LHX8: variants seen among roughly 807,000 people sequenced by gnomAD.
LHX8 encodes LIM/homeobox protein Lhx8.
In LHX8, 12 loss-of-function variants were observed where a neutral mutation model predicts 40.3. That is an observed-to-expected ratio of 0.30 (90% CI 0.19 to 0.48). The LOEUF (loss-of-function observed/expected upper bound fraction) is 0.48, where lower values mean the gene tolerates loss of function less well. Among genes scored for constraint, LHX8 ranks in the 20% least tolerant of loss-of-function variants. The pLI, the probability that LHX8 is intolerant of heterozygous loss-of-function variation, is 0.99. For missense variants in LHX8, 344 were observed against 433.7 expected (o/e 0.79, Z 1.84); for synonymous variants, 179 against 162.0 (o/e 1.10, Z -0.80).
rs1177996109 is a variant in LHX8 at position 75,161,284 on chromosome 1, TAATA to T, written c.*394_*397del. On this transcript the variant is annotated 3_prime_UTR_variant, in exon 9 of 9. Transcript: ENST00000356261. ...ATTAGTTTGTATCTGTAAGTTATTG[TAATA>T]AATATTACCTGTATTTTTTGTTATA... 4 of 203,940 alleles carry T rather than the reference TAATA, an allele frequency of 2.0e-5. No homozygotes were observed. The highest frequency in any genetic ancestry group is 9.5e-5 in the African/African-American group (4 of 42,162). 12.6% of individuals were successfully genotyped at this position (203,940 alleles called of 1,614,324 possible).
At chr1:75,186,672 A>T in the LHX8 span, among the ~76,000 whole-genome samples, 1 of 152,090 alleles carries the variant, frequency 6.6e-6, no homozygotes. Flanking sequence ...ACAGGAGAGG[A>T]TGGTTTCTGA....
chr1:75,188,864 A>C, the LHX8 span, among the ~76,000 whole-genome samples: 30 of 152,176 alleles, frequency 2.0e-4, no homozygotes, highest in Admixed American at 1.4e-3. Context: ...CAGCCCCACT[A>C]TCAGACTTTT....
At chr1:75,136,530 G>A (rs1648136617) in intron 1 of LHX8, 73 bp from the exon 2 acceptor site, 2 of 1,139,740 alleles carry the variant, frequency 1.8e-6, no homozygotes, top group African/African-American at 3.1e-5. Context: ...TCCCCGCGCC[G>A]AGGCTGGGGC....
intron 4 of LHX8, 76 bp from the exon 5 acceptor site, chr1:75,143,042 G>C: frequency 9.2e-7 from 1 of 1,086,022 alleles, no homozygotes; most frequent in African/African-American, 1.5e-5. Context: ...AAGATAATGT[G>C]CTGGTTTAAT....
At chr1:75,149,735 C>A (rs1172394356) in intron 7 of LHX8, among the ~76,000 whole-genome samples, 1 of 152,058 alleles carries the variant, frequency 6.6e-6, no homozygotes, top group Non-Finnish European at 1.5e-5. Context: ...TTTGTAGAAA[C>A]AGAGTCTCAC....
chr1:75,184,035 A>T, the LHX8 span, among the ~76,000 whole-genome samples: 2 of 152,244 alleles, frequency 1.3e-5, no homozygotes, highest in Admixed American at 1.3e-4. Context: ...AAAAGAGGTC[A>T]TGACAATAAT....
At chr1:75,147,646 C>T (rs867116580) in intron 6 of LHX8, among the ~76,000 whole-genome samples, 42 of 152,178 alleles carry the variant, frequency 2.8e-4, no homozygotes, top group African/African-American at 8.0e-4. Context: ...AGCACAATCA[C>T]ATTGGGTGCC....
chr1:75,184,568 A>G, the LHX8 span, among the ~76,000 whole-genome samples: 5 of 152,206 alleles, frequency 3.3e-5, no homozygotes, highest in African/African-American at 1.2e-4. Flanking sequence ...TTTGAAACGA[A>G]GGAGAACAAA....
chr1:75,175,435 G>A, the LHX8 span, among the ~76,000 whole-genome samples: 1 of 152,174 alleles, frequency 6.6e-6, no homozygotes, highest in Non-Finnish European at 1.5e-5. Flanking sequence ...CCAGGTGAAA[G>A]TGTTCCCTTT....
intron 7 of LHX8, among the ~76,000 whole-genome samples, chr1:75,155,315 A>G (rs532161565): frequency 6.8e-6 from 1 of 146,494 alleles, no homozygotes; most frequent in East Asian, 2.2e-4. Context: ...GCTCACTGCA[A>G]GCTCCACCTC....
At chr1:75,159,153 G>C (rs894316028) in intron 8 of LHX8, 1 of 152,034 alleles carries the variant, frequency 6.6e-6, no homozygotes, top group African/African-American at 2.4e-5. Context: ...TTTTCTTTCA[G>C]CACTTTGAAG....
chr1:75,166,874 A>G, the LHX8 span, among the ~76,000 whole-genome samples: 1 of 152,200 alleles, frequency 6.6e-6, no homozygotes, highest in African/African-American at 2.4e-5. Flanking sequence ...CTCTCCTGTT[A>G]GGATAGAATG....
the LHX8 span, among the ~76,000 whole-genome samples, chr1:75,190,481 T>A: frequency 6.6e-6 from 1 of 152,198 alleles, no homozygotes; most frequent in Non-Finnish European, 1.5e-5. Flanking sequence ...GACATTTGTG[T>A]CCCACTGCTT....
intron 3 of LHX8, among the ~76,000 whole-genome samples, chr1:75,139,921 C>G (rs1261199669): frequency 6.6e-6 from 1 of 152,156 alleles, no homozygotes; most frequent in East Asian, 1.9e-4. Context: ...CAGTCATTTA[C>G]TTTCCTATTT....
In LHX8 at chr1:75,137,180, G is replaced by T. The variant is rs758890953; in HGVS notation, c.156G>T (p.Met52Ile). The T allele has an allele frequency of 6.2e-7, 1 of 1,613,546 alleles. No homozygotes were observed. Among genetic ancestry groups the T allele is most frequent in the South Asian group, 1.1e-5 (1 of 91,048 alleles). ...CCCCGTCGTCCTCGCCCCGGTCCAT[G>T]GCCTCGGGCTCCGGCTGCCCTCCTG... ...PLSPSSSPRS[M>I]ASGSGCPPGK... is the part of the protein sequence containing the mutation. Residue 52 changes from methionine (M) to isoleucine (I), a missense_variant, in exon 3 of 9, where the codon ATG becomes ATT. By Grantham distance (10) the Met-to-Ile change is conservative. This residue lies in a region of LHX8 where 108 missense variants were observed against 90.1 expected (regional missense o/e 1.20). Coordinates refer to ENST00000356261, the MANE Select transcript of LHX8 (RefSeq NM_001256114.2).
the LHX8 span, among the ~76,000 whole-genome samples, chr1:75,168,506 C>T: frequency 2.0e-5 from 3 of 152,170 alleles, no homozygotes; most frequent in African/African-American, 7.2e-5. Flanking sequence ...GGATTACAGG[C>T]GTGAGCCACT....
chr1:75,148,728 A>G (rs1648529344), intron 7 of LHX8, 46 bp downstream of exon 7: 1 of 1,322,864 alleles, frequency 7.6e-7, no homozygotes, highest in Non-Finnish European at 1.1e-6. Flanking sequence ...TAAAAAATAG[A>G]TATTGGGTCT....
chr1:75,164,820 C>T (rs1447969045), downstream of LHX8, among the ~76,000 whole-genome samples: 1 of 151,152 alleles, frequency 6.6e-6, no homozygotes, highest in African/African-American at 2.4e-5. Flanking sequence ...CAGATGCATG[C>T]CACCACACAC....
At chr1:75,136,553 C>G (rs1440079014) in intron 1 of LHX8, 50 bp from the exon 2 acceptor site, 2 of 1,365,918 alleles carry the variant, frequency 1.5e-6, no homozygotes, top group Non-Finnish European at 2.0e-6. Flanking sequence ...GCAGCACGCT[C>G]GGAACTTCTG....
Sources: allele counts gnomAD v4.1 joint callset (sites outside exome capture counted in the v4.1 genomes callset), GRCh38; gene constraint gnomAD v4.1.1; regional missense constraint gnomAD v4.1.1; transcripts MANE v1.5; gene names NCBI Gene and HGNC (gene_info 2026-07-23, HGNC 2026-07-21).